The following CNOT1 variants were observed in gnomAD, a reference collection of about 807,000 sequenced individuals.
CNOT1 encodes the protein CCR4-associated factor 1.
Under a neutral mutation model 273.8 loss-of-function variants are expected in CNOT1, and 15 were observed. The observed-to-expected ratio is 0.05, with a 90% confidence interval of 0.04 to 0.08. The LOEUF is 0.08. Ranked by LOEUF, CNOT1 falls within the 10% of genes least tolerant of loss-of-function variation. The probability of loss-of-function intolerance (pLI) is 1.00; values close to 1 mark genes in which losing one functional copy is unlikely to be tolerated. For synonymous variants in CNOT1, 1,022 were observed against 1,005.5 expected (o/e 1.02, Z -0.31); for missense variants, 1,644 against 2,912.2 (o/e 0.56, Z 10.02).
intron 40 of CNOT1, among the ~76,000 whole-genome samples, chr16:58,533,624 G>A (rs533551798): frequency 9.2e-5 from 14 of 152,146 alleles, no homozygotes; most frequent in African/African-American, 3.1e-4. Context: ...GACAGAGTGA[G>A]ACTCCGTCTC....
intron 44 of CNOT1, among the ~76,000 whole-genome samples, chr16:58,526,879 T>C (rs2039606031): frequency 6.7e-6 from 1 of 150,362 alleles, no homozygotes; most frequent in Non-Finnish European, 1.5e-5. Flanking sequence ...ATCTAAACTA[T>C]AGCTGGGCAC....
In CNOT1 at chr16:58,520,579, T is replaced by A. The variant is rs995086603; in HGVS notation, c.*379A>T. The A allele has an allele frequency of 4.8e-6, 1 of 206,774 alleles. No individual in the cohort carries two copies. The highest frequency in any genetic ancestry group is 2.3e-5 in the African/African-American group (1 of 43,888). 12.8% of individuals were successfully genotyped at this position (206,774 alleles called of 1,614,324 possible). ...GGGACACCAGGAATGTCAGAAGACA[T>A]GGAGCTATGCCCTCAGACAAGTGCA... On this transcript the variant is annotated 3_prime_UTR_variant, in exon 49 of 49. Coordinates refer to ENST00000317147, the MANE Select transcript of CNOT1 (RefSeq NM_016284.5).
chr16:58,628,636 G>A (rs914956139), intron 1 of CNOT1, among the ~76,000 whole-genome samples: 1 of 150,088 alleles, frequency 6.7e-6, no homozygotes, highest in Non-Finnish European at 1.5e-5. Context: ...ACAGGCTATC[G>A]AATTGTAGAG....
Position 58,532,042 on chromosome 16 carries a change from A to T in CNOT1, c.6093T>A (p.Ala2031=), listed in dbSNP as rs375681411. 1.7e-5 allele frequency: 28 copies of T among 1,614,186 alleles called. No homozygotes were observed. The highest frequency in any genetic ancestry group is 1.8e-5 in the Non-Finnish European group (21 of 1,180,048). The change falls in exon 42 of 49, where the codon GCT becomes GCA. Residue 2031 remains alanine (A), a synonymous_variant. Transcript: ENST00000317147. ...NTFHILRPTK[A]PGFVYAWLEL... is the part of the protein sequence containing the mutation. ...CAAGCCAGGCATATACAAAGCCAGGAGCTTTGGTAGGCCTCAAGATGTGGA... is the reference window on the plus strand; with the variant it reads ...CAAGCCAGGCATATACAAAGCCAGGTGCTTTGGTAGGCCTCAAGATGTGGA...
chr16:58,541,350 T>C (rs1216697802), intron 34 of CNOT1, 151 bp downstream of exon 34: 3 of 1,255,456 alleles, frequency 2.4e-6, no homozygotes, highest in Non-Finnish European at 3.2e-6. Flanking sequence ...CATACTTAAT[T>C]GGACACAAAG....
intron 24 of CNOT1, among the ~76,000 whole-genome samples, chr16:58,550,423 TAAATATA>T (rs968744905): frequency 5.9e-5 from 9 of 152,210 alleles, no homozygotes; most frequent in African/African-American, 1.9e-4. Flanking sequence ...CTCAGCCTAT[TAAATATA>T]AAGTTAAAGA....
chr16:58,582,412 C>T (rs2151976142), intron 10 of CNOT1, among the ~76,000 whole-genome samples: 1 of 152,298 alleles, frequency 6.6e-6, no homozygotes, highest in Non-Finnish European at 1.5e-5. Flanking sequence ...GAGTTAAAGT[C>T]CAATATGGGC....
intron 1 of CNOT1, among the ~76,000 whole-genome samples, chr16:58,625,020 G>T (rs2043504588): frequency 1.3e-5 from 2 of 151,922 alleles, no homozygotes; most frequent in Non-Finnish European, 2.9e-5. Flanking sequence ...GGTCTTGGTG[G>T]ACAGATCGCT....
chr16:58,523,643 A>G, intron 46 of CNOT1, 141 bp from the exon 47 acceptor site: 1 of 620,894 alleles, frequency 1.6e-6, no homozygotes, highest in Non-Finnish European at 2.7e-6. Context: ...TGGGACCCCA[A>G]AGAGTTCTCA....
At chr16:58,552,777 A>G (rs1045226927) in intron 22 of CNOT1, among the ~76,000 whole-genome samples, 1 of 152,232 alleles carries the variant, frequency 6.6e-6, no homozygotes, top group African/African-American at 2.4e-5. Flanking sequence ...TTAAAAATAA[A>G]GTCAATTAAC....
At chr16:58,538,738 C>T (rs777529252) in intron 36 of CNOT1, 34 bp downstream of exon 36, 2 of 1,607,852 alleles carry the variant, frequency 1.2e-6, no homozygotes, top group African/African-American at 2.7e-5. Context: ...AGTCGCAGTC[C>T]AATACTCACT....
chr16:58,622,683 C>T (rs1030097598), intron 1 of CNOT1, among the ~76,000 whole-genome samples: 3 of 150,718 alleles, frequency 2.0e-5, no homozygotes, highest in African/African-American at 2.4e-5. Context: ...CCTGTCTCTA[C>T]TAAAAATACA....
rs1440745355 is a variant in CNOT1, at chr16:58,521,310, A to G, written c.6925T>C (p.Leu2309=). 1 of 1,604,238 alleles carries G rather than the reference A, an allele frequency of 6.2e-7. No individual in the cohort carries two copies. Among genetic ancestry groups the G allele is most frequent in the Non-Finnish European group, 8.5e-7 (1 of 1,177,770 alleles). Residue 2309 remains leucine (L), a synonymous_variant, in exon 48 of 49, where the codon TTG becomes CTG. Transcript: ENST00000317147. ...GGCCTATTTACAATCAACCGTTCCA[A>G]GAGAACTCTGGAAAAAGGGAGAAAG... is the stretch of plus-strand genomic sequence containing the variant. ...AIQEQITRVL[L]ERLIVNRPHP...
At chr16:58,535,803 G>A (rs776680803) in intron 39 of CNOT1, among the ~76,000 whole-genome samples, 11 of 151,442 alleles carry the variant, frequency 7.3e-5, no homozygotes, top group African/African-American at 1.9e-4. Flanking sequence ...GTGCAATCTC[G>A]GCTCACTGTA....
At chr16:58,625,606 C>A (rs532579112) in intron 1 of CNOT1, among the ~76,000 whole-genome samples, 2 of 151,998 alleles carry the variant, frequency 1.3e-5, no homozygotes, top group Non-Finnish European at 2.9e-5. Flanking sequence ...ATCACTTGAA[C>A]CCGGGAGGCA....
At chr16:58,599,982 G>A (rs2042404393) in intron 1 of CNOT1, among the ~76,000 whole-genome samples, 1 of 152,014 alleles carries the variant, frequency 6.6e-6, no homozygotes, top group Admixed American at 6.6e-5. Context: ...AGGACCGCTT[G>A]AAACTAGGAG....
chr16:58,577,801 C>A (rs1350165726), intron 13 of CNOT1, among the ~76,000 whole-genome samples: 3 of 149,638 alleles, frequency 2.0e-5, no homozygotes, highest in African/African-American at 7.4e-5. Flanking sequence ...GTTTGCATCA[C>A]TGCACTCCAG....
chr16:58,605,325 A>G (rs1034794737), intron 1 of CNOT1, among the ~76,000 whole-genome samples: 10 of 152,028 alleles, frequency 6.6e-5, no homozygotes, highest in African/African-American at 2.4e-4. Flanking sequence ...CAACATGGTG[A>G]AACCCTACCT....
intron 21 of CNOT1, among the ~76,000 whole-genome samples, chr16:58,554,701 C>T (rs866565070): frequency 1.3e-5 from 2 of 152,026 alleles, no homozygotes; most frequent in Non-Finnish European, 2.9e-5. Context: ...TCTGGGAGGC[C>T]GAGGTGGGTG....
Sources: gnomAD v4.1 joint callset for allele counts (sites outside exome capture counted in the v4.1 genomes callset) on GRCh38, gnomAD v4.1.1 for gene constraint, MANE v1.5 for transcripts, NCBI Gene and HGNC (gene_info 2026-07-23, HGNC 2026-07-21) for gene names.